Variants in IL13 observed in about 807,000 individuals in gnomAD.
IL13 encodes the protein interleukin-13.
IL13 carries 9 observed loss-of-function variants against 11.1 expected under a neutral mutation model. The observed-to-expected ratio is 0.81, with a 90% CI of 0.49 to 1.42. The LOEUF is 1.42. Ranked by LOEUF, IL13 falls within the 40% of genes most tolerant of loss-of-function variation. IL13 has a pLI of 0.00. For synonymous variants in IL13, 75 were observed against 76.9 expected (o/e 0.97, Z 0.13); for missense variants, 181 against 182.5 (o/e 0.99, Z 0.05).
chr5:132,658,429 T>C, intron 1 of IL13, 69 bp downstream of exon 1: 1 of 941,694 alleles, frequency 1.1e-6, no homozygotes, highest in Non-Finnish European at 1.6e-6. Flanking sequence ...GATGAGGTCA[T>C]GAGCAGGCTG....
rs1752111284 is a variant in IL13 at position 132,659,741 on chromosome 5, A to G, written c.246A>G (p.Glu82=). Residue 82 remains glutamate, a synonymous_variant, in exon 3 of 4, where the codon GAA becomes GAG. Transcript: ENST00000304506. The surrounding 1 kb of genome is among the most constrained non-coding windows in gnomAD (Gnocchi z 4.1). ...LTAGMYCAAL[E]SLINVSGCSA... is the part of the protein sequence containing the mutation. ...CCCCACAGTACTGTGCAGCCCTGGA[A>G]TCCCTGATCAACGTGTCAGGCTGCA... The G allele has an allele frequency of 3.7e-6, 6 of 1,613,940 alleles. No homozygotes were observed. The East Asian group carries it at 1.3e-4, about 36-fold the overall frequency.
In IL13 at chr5:132,658,349, C is replaced by A; in HGVS notation, c.163C>A (p.Gln55Lys). 6.2e-7 allele frequency: 1 copy of A among 1,606,196 alleles called. No homozygotes were observed. Among genetic ancestry groups the A allele is most frequent in the Non-Finnish European group, 8.5e-7 (1 of 1,174,062 alleles). ...ELIEELVNIT[Q>K]NQKAPLCNGS... is the part of the protein sequence containing the mutation. Reference sequence around the variant, plus strand: ...CATTGAGGAGCTGGTCAACATCACCCAGAACCAGAAGGTGAGTGTCGGCTA... The same window carrying A: ...CATTGAGGAGCTGGTCAACATCACCAAGAACCAGAAGGTGAGTGTCGGCTA... Residue 55 changes from glutamine (Q) to lysine (K), a missense_variant, in exon 1 of 4, where the codon CAG (glutamine) becomes AAG (lysine). Physicochemically the swap from Gln to Lys is moderately conservative, Grantham distance 53. Coordinates refer to ENST00000304506, the MANE Select transcript of IL13 (RefSeq NM_002188.3).
Position 132,659,469 on chromosome 5 carries a change from A to C in IL13, c.226A>C (p.Met76Leu). ...MVWSINLTAGMYCAALESLIN... is the reference protein window; with the variant it reads ...MVWSINLTAGLYCAALESLIN... ...ATGGAGCATCAACCTGACAGCTGGCATGGTAAGGACCTTTGGGTGCAGGGA... is the reference window on the plus strand; with the variant it reads ...ATGGAGCATCAACCTGACAGCTGGCCTGGTAAGGACCTTTGGGTGCAGGGA... The change falls in exon 2 of 4, where the codon ATG becomes CTG. Residue 76 changes from methionine (M) to leucine (L), a missense_variant and splice_region_variant. Met to Leu is a conservative substitution (Grantham distance 15). Transcript: ENST00000304506. This position sits in a 1 kb window ranked among gnomAD's most constrained non-coding sequence, Gnocchi z 4.1. The C allele has an allele frequency of 1.2e-6, 2 of 1,611,450 alleles. No homozygotes were observed. Among genetic ancestry groups the C allele is most frequent in the Non-Finnish European group, 1.7e-6 (2 of 1,178,332 alleles).
chr5:132,660,063 C>T, intron 3 of IL13, 112 bp from the exon 4 acceptor site: 3 of 1,264,484 alleles, frequency 2.4e-6, no homozygotes, highest in Non-Finnish European at 3.3e-6. Context: ...GTACCCACCT[C>T]ATGGGGACTT....
At chr5:132,658,762 G>A in intron 1 of IL13, 1 of 189,126 alleles carries the variant, frequency 5.3e-6, no homozygotes, top group Non-Finnish European at 1.1e-5. Context: ...GCCCTTACAG[G>A]AGGATTCCTT....
chr5:132,660,180 T>C lies in IL13; in HGVS notation c.339T>C (p.Phe113=). 1 of 1,614,158 alleles carries C rather than the reference T, an allele frequency of 6.2e-7. No homozygotes were observed. The change falls in exon 4 of 4, where the codon TTT becomes TTC. Residue 113 remains phenylalanine (F), a synonymous_variant. Transcript: ENST00000304506. ...FCPHKVSAGQ[F]SSLHVRDTKI... is the part of the protein sequence containing the mutation. ...CTGACCTCTTTGTCCTGCAGCAGTT[T>C]TCCAGCTTGCATGTCCGAGACACCA...
upstream of IL13, chr5:132,657,222 A>G (rs1017488894): frequency 1.3e-4 from 20 of 152,930 alleles, 1 homozygote; most frequent in South Asian, 2.1e-3. Context: ...CCCAGACGGC[A>G]GGGGTTGATC....
chr5:132,660,683 A>C lies in IL13; in HGVS notation c.*401A>C. 1 of 193,896 alleles carries C rather than the reference A, an allele frequency of 5.2e-6. No individual in the cohort carries two copies. The highest frequency in any genetic ancestry group is 1.1e-5 in the Non-Finnish European group (1 of 92,650). 12.0% of individuals were successfully genotyped at this position (193,896 alleles called of 1,614,324 possible). A position where few individuals can be genotyped will look rare whatever the true frequency, so the allele number is the denominator to read the frequency against. On this transcript the variant is annotated 3_prime_UTR_variant, in exon 4 of 4. Transcript: ENST00000304506. ...CTCAGGCACACTTCTTCTTGGTCTT[A>C]TTTATTATTGTGTGTTATTTAAATG...
chr5:132,656,806 G>A (rs1386709187), upstream of IL13, among the ~76,000 whole-genome samples: 2 of 152,200 alleles, frequency 1.3e-5, no homozygotes, highest in African/African-American at 4.8e-5. Flanking sequence ...CCAGCAGCTG[G>A]GCTGGGAAGC....
chr5:132,660,110 C>G (rs1752120618), intron 3 of IL13, 65 bp from the exon 4 acceptor site: 3 of 1,530,264 alleles, frequency 2.0e-6, no homozygotes. Flanking sequence ...TGGAAAGCCC[C>G]TGGTTTGTGC....
upstream of IL13, among the ~76,000 whole-genome samples, chr5:132,657,732 A>G (rs1263359595): frequency 6.6e-6 from 1 of 152,228 alleles, no homozygotes; most frequent in East Asian, 1.9e-4. Flanking sequence ...CATCGAAAAA[A>G]TAAAACTCCC....
chr5:132,658,770 C>A (rs1295687), intron 1 of IL13: 4 of 182,114 alleles, frequency 2.2e-5, no homozygotes, highest in East Asian at 1.5e-4. Context: ...AGGAGGATTC[C>A]TTAGTAGAGT....
At chr5:132,660,053 G>A in intron 3 of IL13, 122 bp from the exon 4 acceptor site, 1 of 1,236,644 alleles carries the variant, frequency 8.1e-7, no homozygotes, top group Non-Finnish European at 1.1e-6. Flanking sequence ...GGTACTAACA[G>A]TACCCACCTC....
rs199516826 is a variant in IL13, at chr5:132,660,369, T to G, written c.*87T>G. ...TTTCTTTCTGATGTCAAAAATGTCT[T>G]GGGTAGGCGGGAAGGAGGGTTAGGG... On this transcript the variant is annotated 3_prime_UTR_variant, in exon 4 of 4. Coordinates refer to ENST00000304506, the MANE Select transcript of IL13 (RefSeq NM_002188.3). 4.6e-6 allele frequency: 7 copies of G among 1,535,086 alleles called. No individual in the cohort carries two copies. Among genetic ancestry groups the G allele is most frequent in the Admixed American group, 3.9e-5 (2 of 51,770 alleles).
Position 132,660,579 on chromosome 5 carries a change from TAC to T in IL13, c.*299_*300del. On this transcript the variant is annotated 3_prime_UTR_variant, in exon 4 of 4. Transcript: ENST00000304506. ...CCTGCCCTAGAGCACACTGTAGCATTACAGTGGGTGCCCCCCTTGCCAGACAT... is the reference window on the plus strand; with the variant it reads ...CCTGCCCTAGAGCACACTGTAGCATTAGTGGGTGCCCCCCTTGCCAGACAT... The T allele has an allele frequency of 3.3e-6, 1 of 305,244 alleles. No homozygotes were observed. The highest frequency in any genetic ancestry group is 6.1e-6 in the Non-Finnish European group (1 of 162,770). The allele number at this position is 305,244 out of a possible 1,614,324, so 18.9% of individuals were successfully genotyped here. A position where few individuals can be genotyped will look rare whatever the true frequency, so the allele number is the denominator to read the frequency against.
intron 1 of IL13, chr5:132,658,895 C>T (rs979322350): frequency 3.5e-5 from 6 of 172,664 alleles, no homozygotes; most frequent in East Asian, 1.5e-4. Context: ...GAGGCAGGTA[C>T]GATGAACCCA....
intron 1 of IL13, 121 bp downstream of exon 1, chr5:132,658,481 T>C: frequency 1.6e-6 from 1 of 609,314 alleles, no homozygotes; most frequent in Non-Finnish European, 2.8e-6. Flanking sequence ...AAAATCTCCA[T>C]GGACCAAGGC....
At chr5:132,657,593 T>C (rs1309144446), upstream of IL13, among the ~76,000 whole-genome samples, 1 of 152,152 alleles carries the variant, frequency 6.6e-6, no homozygotes, top group African/African-American at 2.4e-5. Flanking sequence ...ATCTGAACTT[T>C]GACAATCCCT....
At chr5:132,658,802 A>C in intron 1 of IL13, 1 of 174,134 alleles carries the variant, frequency 5.7e-6, no homozygotes, top group Admixed American at 5.5e-5. Flanking sequence ...CCCACTAGTA[A>C]CAGCTCACAT....
Sources: gnomAD v4.1 joint callset for allele counts (sites outside exome capture counted in the v4.1 genomes callset) on GRCh38, gnomAD v4.1.1 for gene constraint, Gnocchi (gnomAD v3.1) non-coding constraint, MANE v1.5 for transcripts, NCBI Gene and HGNC (gene_info 2026-07-23, HGNC 2026-07-21) for gene names.